NEK10: variants seen among roughly 807,000 people sequenced by gnomAD.
NEK10 encodes the protein serine/threonine-protein kinase Nek10.
NEK10 carries 122 observed loss-of-function variants against 159.8 expected under a neutral mutation model. That is an observed-to-expected ratio of 0.76 (90% CI 0.66 to 0.89). The LOEUF is 0.89. Ranked by LOEUF, NEK10 falls within the 40% of genes least tolerant of loss-of-function variation. NEK10 has a pLI of 0.00. For missense variants in NEK10, 1,342 were observed against 1,323.1 expected, an observed-to-expected ratio of 1.01 and a Z score of -0.22; for synonymous variants, 466 against 457.1, an observed-to-expected ratio of 1.02 and a Z score of -0.25.
intron 26 of NEK10, among the ~76,000 whole-genome samples, chr3:27,186,851 C>T (rs1272710099): frequency 6.6e-6 from 1 of 152,118 alleles, no homozygotes; most frequent in Non-Finnish European, 1.5e-5. Flanking sequence ...CCAGTGAGTT[C>T]CCCATGGGCT....
intron 33 of NEK10, among the ~76,000 whole-genome samples, chr3:27,116,523 A>G (rs1940462061): frequency 6.6e-6 from 1 of 152,304 alleles, no homozygotes; most frequent in East Asian, 1.9e-4. Flanking sequence ...TATACGTTAG[A>G]AAGAAAATTG....
intron 22 of NEK10, among the ~76,000 whole-genome samples, chr3:27,272,455 G>A (rs1197802419): frequency 6.6e-6 from 1 of 152,148 alleles, no homozygotes; most frequent in African/African-American, 2.4e-5. Context: ...AATGTGCCAG[G>A]AGCTTAGGCT....
intron 35 of NEK10, among the ~76,000 whole-genome samples, chr3:27,114,214 G>A (rs1016522719): frequency 2.6e-5 from 4 of 152,092 alleles, no homozygotes; most frequent in Admixed American, 2.6e-4. Flanking sequence ...GCCCAGAAAT[G>A]AGAAATATCC....
intron 24 of NEK10, 48 bp downstream of exon 24, chr3:27,202,380 T>A (rs34940413): frequency 2.0e-6 from 3 of 1,533,514 alleles, no homozygotes; most frequent in Middle Eastern, 3.5e-4. Flanking sequence ...AGAAAAAGAA[T>A]TGCATTTTTA....
At chr3:27,214,207 G>A (rs192524172) in intron 23 of NEK10, among the ~76,000 whole-genome samples, 244 of 152,316 alleles carry the variant, frequency 1.6e-3, no homozygotes, top group African/African-American at 5.3e-3. Flanking sequence ...CCTTACGTAT[G>A]TTGATTGATG....
At position 27,156,929 on chromosome 3, in the gene NEK10, G is replaced by GATATATATAT. The variant is rs4016654; in HGVS notation, c.2869+5762_2869+5771dup. 1.1e-3 allele frequency among the ~76,000 whole-genome samples: 32 copies of GATATATATAT among 28,340 alleles called. 1 individual carries two copies. The highest frequency in any genetic ancestry group is 3.9e-3 in the South Asian group (2 of 512). 18.6% of individuals were successfully genotyped at this position (28,340 alleles called of 152,430 possible). On this transcript the variant is annotated intron_variant, in intron 30 of 35. Coordinates refer to ENST00000691995, the MANE Select transcript of NEK10 (RefSeq NM_001394966.1). ...CAATCAAGGAGTGCATAAAGAAACT[G>GATATATATAT]ATATATATATATATATATATATATA...
intron 23 of NEK10, among the ~76,000 whole-genome samples, chr3:27,234,786 A>G (rs751520947): frequency 2.0e-5 from 3 of 152,146 alleles, no homozygotes; most frequent in African/African-American, 4.8e-5. Flanking sequence ...TATGGAACCA[A>G]AAAAGTGCCC....
intron 5 of NEK10, among the ~76,000 whole-genome samples, chr3:27,333,832 C>T (rs1031022270): frequency 1.3e-5 from 2 of 152,156 alleles, no homozygotes; most frequent in Admixed American, 6.5e-5. Context: ...CTGTTGACCC[C>T]AGGGCTTAGG....
chr3:27,222,579 T>C (rs935466945), intron 23 of NEK10, among the ~76,000 whole-genome samples: 4 of 152,182 alleles, frequency 2.6e-5, no homozygotes, highest in Non-Finnish European at 5.9e-5. Flanking sequence ...TTGATATGTA[T>C]ATACATTTTT....
chr3:27,135,179 G>A lies in NEK10; in HGVS notation c.2971-3189C>T, dbSNP rs1036529127. On this transcript the variant is annotated intron_variant, in intron 31 of 35. Transcript: ENST00000691995. Reference sequence around the variant, plus strand: ...CATGCCTGTATTGCCAGCACTTTGGGAGGCAAAGGTGGGAGGACCGCTTGA... The same window carrying A: ...CATGCCTGTATTGCCAGCACTTTGGAAGGCAAAGGTGGGAGGACCGCTTGA... Among the ~76,000 whole-genome samples the A allele has an allele frequency of 7.9e-5, 12 of 152,274 alleles. No individual in the cohort carries two copies. In the East Asian group the frequency reaches 2.3e-3, roughly 29 times the overall value.
intron 22 of NEK10, among the ~76,000 whole-genome samples, chr3:27,262,417 C>T (rs2040495681): frequency 6.6e-6 from 1 of 152,170 alleles, no homozygotes; most frequent in African/African-American, 2.4e-5. Context: ...GATAATATCC[C>T]ACAGAGTGTT....
At chr3:27,181,551 A>T (rs1274921530) in intron 26 of NEK10, among the ~76,000 whole-genome samples, 3 of 152,138 alleles carry the variant, frequency 2.0e-5, no homozygotes, top group Non-Finnish European at 4.4e-5. Context: ...TCAAACCCAC[A>T]TTGTTTAAAG....
chr3:27,331,056 C>T (rs774692570), intron 5 of NEK10, among the ~76,000 whole-genome samples: 82 of 151,568 alleles, frequency 5.4e-4, no homozygotes, highest in Non-Finnish European at 7.2e-4. Flanking sequence ...GCCAACATGG[C>T]GAAACCCTGT....
In NEK10 at chr3:27,330,262, A is replaced by C. The variant is rs543642221; in HGVS notation, c.363-8001T>G. ...TGCTCCAAGTTAGGTGATGGGAAGA[A>C]GGGAAATCATCATTTGCTTGAGGAC... On this transcript the variant is annotated intron_variant, in intron 5 of 35. Transcript: ENST00000691995. 3.1e-3 allele frequency among the ~76,000 whole-genome samples: 472 copies of C among 152,302 alleles called. 1 individual carries two copies. The highest frequency in any genetic ancestry group is 5.6e-3 in the Non-Finnish European group (381 of 68,020).
At chr3:27,116,042 T>C (rs1940372239) in intron 34 of NEK10, 33 bp downstream of exon 34, 4 of 1,612,514 alleles carry the variant, frequency 2.5e-6, no homozygotes, top group African/African-American at 2.7e-5. Context: ...AGTAACAAAA[T>C]AAAATCATTC....
chr3:27,252,377 G>T (rs547748834), intron 23 of NEK10, among the ~76,000 whole-genome samples: 2 of 152,210 alleles, frequency 1.3e-5, no homozygotes, highest in Non-Finnish European at 2.9e-5. Flanking sequence ...GTATTCCAAG[G>T]AGGAGTATTT....
intron 23 of NEK10, among the ~76,000 whole-genome samples, chr3:27,232,738 G>T (rs1336083053): frequency 6.6e-6 from 1 of 151,952 alleles, no homozygotes; most frequent in Admixed American, 6.6e-5. Flanking sequence ...ACAGAATAGA[G>T]AACCAAGAAA....
In NEK10 at chr3:27,174,322, C is replaced by A. The variant is rs1947296001; in HGVS notation, c.2776+117G>T. On this transcript the variant is annotated intron_variant, in intron 28 of 35. Coordinates refer to ENST00000691995, the MANE Select transcript of NEK10 (RefSeq NM_001394966.1). ...CACATCTGTCCTAATTAGCACTGCA[C>A]CTGAAAAACAAACCACTGGGTTATG... 2.0e-6 allele frequency: 3 copies of A among 1,529,766 alleles called. No individual in the cohort carries two copies. In the African/African-American group the frequency reaches 4.2e-5, roughly 21 times the overall value. 94.8% of individuals were successfully genotyped at this position (1,529,766 alleles called of 1,614,324 possible).
At chr3:27,340,040 AT>A (rs1312287740) in intron 5 of NEK10, among the ~76,000 whole-genome samples, 4 of 152,224 alleles carry the variant, frequency 2.6e-5, no homozygotes, top group African/African-American at 9.6e-5. Context: ...TCATGCTACT[AT>A]AAAGACACAT....
Sources: allele counts gnomAD v4.1 joint callset (sites outside exome capture counted in the v4.1 genomes callset), GRCh38; gene constraint gnomAD v4.1.1; transcripts MANE v1.5; gene names NCBI Gene and HGNC (gene_info 2026-07-23, HGNC 2026-07-21).